Variants in PRR33 observed in about 807,000 individuals in gnomAD.
PRR33 encodes the protein proline rich 33, also known as proline-rich protein 33.
A neutral mutation model predicts 0.5 loss-of-function variants in PRR33; 1 was observed. The observed-to-expected ratio is 2.18, with a 90% CI of 0.77 to 10.34. PRR33 has a LOEUF of 10.34. Among genes scored for constraint, PRR33 ranks in the 30% most tolerant of loss-of-function variants. The probability of loss-of-function intolerance (pLI) is 0.13; values close to 1 mark genes in which losing one functional copy is unlikely to be tolerated. For synonymous variants in PRR33, 226 were observed against 110.0 expected (o/e 2.06, Z -6.60); for missense variants, 552 against 251.8 (o/e 2.19, Z -8.07).
At chr11:1,902,674 AC>A in the PRR33 span, 2 of 152,190 alleles carry the variant, frequency 1.3e-5, no homozygotes, top group East Asian at 3.9e-4. Context: ...CCTGATCCAG[AC>A]CCCAAGAGAG....
the PRR33 span, among the ~76,000 whole-genome samples, chr11:1,916,676 C>A: frequency 3.3e-5 from 5 of 152,140 alleles, no homozygotes; most frequent in African/African-American, 1.2e-4. Context: ...ACCCCGCCCC[C>A]GACCAGCCCT....
At chr11:1,894,164 C>G (rs1849096569), upstream of PRR33, among the ~76,000 whole-genome samples, 1 of 135,128 alleles carries the variant, frequency 7.4e-6, no homozygotes, top group Non-Finnish European at 1.6e-5. Context: ...GTTTCCCAGG[C>G]TGGAATGTGT....
At chr11:1,907,192 A>C in the PRR33 span, among the ~76,000 whole-genome samples, 8,088 of 152,254 alleles carry the variant, frequency 0.053, 554 homozygotes, top group African/African-American at 0.15. Flanking sequence ...TGGTTGTTTC[A>C]GGCAGGAAGA....
exon 1 of PRR33, chr11:1,889,297 G>A (rs1403290054): frequency 2.9e-6 from 2 of 699,950 alleles, no homozygotes; most frequent in Non-Finnish European, 2.6e-6. Context: ...AGGCGGGTGA[G>A]GCTGGCTGGG....
chr11:1,890,155 C>T, exon 1 of PRR33: 1 of 717,096 alleles, frequency 1.4e-6, no homozygotes, highest in African/African-American at 1.7e-5. Flanking sequence ...CTGAATTGAG[C>T]AGCTAGAATC....
chr11:1,905,436 T>C, the PRR33 span, among the ~76,000 whole-genome samples: 360 of 61,454 alleles, frequency 5.9e-3, no homozygotes, highest in African/African-American at 0.013. Flanking sequence ...CTTCTCTCTT[T>C]TTTTTTTTTT....
chr11:1,894,109 AGT>A (rs1157393864), upstream of PRR33, among the ~76,000 whole-genome samples: 2 of 10,072 alleles, frequency 2.0e-4, no homozygotes, highest in East Asian at 2.3e-3. Flanking sequence ...CCGGGCTGGG[AGT>A]GTGTGTGTGT....
upstream of PRR33, among the ~76,000 whole-genome samples, chr11:1,894,073 T>TGA (rs1849093042): frequency 8.1e-4 from 1 of 1,228 alleles, no homozygotes; most frequent in South Asian, 0.024. Context: ...TGTGTGTGTG[T>TGA]GTGTGATAGG....
chr11:1,892,249 C>T (rs1334684654), upstream of PRR33: 1 of 152,304 alleles, frequency 6.6e-6, no homozygotes, highest in Non-Finnish European at 1.5e-5. Flanking sequence ...TAATAAAGCT[C>T]CCTGTGTATT....
the PRR33 span, among the ~76,000 whole-genome samples, chr11:1,904,110 G>T: frequency 6.6e-6 from 1 of 152,160 alleles, no homozygotes; most frequent in Non-Finnish European, 1.5e-5. Flanking sequence ...AACTTCCCAC[G>T]ATCCCCAGCT....
At chr11:1,899,157 GCATGA>G in the PRR33 span, among the ~76,000 whole-genome samples, 1 of 152,026 alleles carries the variant, frequency 6.6e-6, no homozygotes, top group Non-Finnish European at 1.5e-5. Flanking sequence ...TTATTCAGAG[GCATGA>G]CAGTCTCAAG....
the PRR33 span, among the ~76,000 whole-genome samples, chr11:1,914,700 C>T: frequency 1.6e-5 from 2 of 128,984 alleles, no homozygotes; most frequent in African/African-American, 6.1e-5. Context: ...GTTCTGGGGT[C>T]ACACACCTGG....
the PRR33 span, among the ~76,000 whole-genome samples, chr11:1,915,507 T>TG: frequency 7.6e-6 from 1 of 130,902 alleles, no homozygotes; most frequent in Non-Finnish European, 1.6e-5. Flanking sequence ...GTGTGTGTTG[T>TG]GGGGTCACAC....
At chr11:1,905,186 G>A in the PRR33 span, among the ~76,000 whole-genome samples, 1 of 146,048 alleles carries the variant, frequency 6.8e-6, no homozygotes, top group South Asian at 2.2e-4. Flanking sequence ...GAGTGCAGTG[G>A]CGCGATCTCA....
exon 1 of PRR33, chr11:1,889,452 G>A (rs961064608): frequency 3.1e-6 from 2 of 643,964 alleles, no homozygotes; most frequent in African/African-American, 1.8e-5. Flanking sequence ...CTCTGTGGGG[G>A]CAGGCACCTC....
At chr11:1,909,866 A>G in the PRR33 span, among the ~76,000 whole-genome samples, 1 of 152,244 alleles carries the variant, frequency 6.6e-6, no homozygotes, top group Admixed American at 6.5e-5. Flanking sequence ...TTTGTGGTGG[A>G]ATCCTCTGCT....
exon 1 of PRR33, chr11:1,890,673 G>C (rs1848964071): frequency 1.6e-6 from 1 of 638,570 alleles, no homozygotes; most frequent in Admixed American, 2.3e-5. Context: ...GGTCCAAGGA[G>C]GACCTGGGGC....
the PRR33 span, chr11:1,907,877 G>A: frequency 6.6e-6 from 1 of 152,152 alleles, no homozygotes; most frequent in Admixed American, 6.6e-5. Flanking sequence ...ATCCCCGCCA[G>A]ACTCCCTCGA....
the PRR33 span, among the ~76,000 whole-genome samples, chr11:1,904,646 G>A: frequency 6.6e-6 from 1 of 151,516 alleles, no homozygotes; most frequent in African/African-American, 2.4e-5. Flanking sequence ...CCAGGAATTC[G>A]AGACCAGCGT....
Sources: gnomAD v4.1 joint callset for allele counts (sites outside exome capture counted in the v4.1 genomes callset) on GRCh38, gnomAD v4.1.1 for gene constraint, MANE v1.5 for transcripts, NCBI Gene and HGNC (gene_info 2026-07-23, HGNC 2026-07-21) for gene names.